Variants in PXYLP1 observed in about 807,000 individuals in gnomAD.
PXYLP1 encodes the protein 2-phosphoxylose phosphatase 1.
PXYLP1 carries 17 observed loss-of-function variants against 37.9 expected under a neutral mutation model. The observed-to-expected ratio is 0.45, with a 90% CI of 0.31 to 0.67. The LOEUF is 0.67. PXYLP1 is among the 30% of genes least tolerant of loss of function. The pLI is 0.07. For synonymous variants in PXYLP1, 221 were observed against 232.2 expected (o/e 0.95, Z 0.44); for missense variants, 511 against 612.0 (o/e 0.84, Z 1.74).
At chr3:141,285,144 C>CTTTTTTTTTTTTTTTTTTT (rs147495598) in intron 4 of PXYLP1, among the ~76,000 whole-genome samples, 3 of 78,764 alleles carry the variant, frequency 3.8e-5, no homozygotes, top group Non-Finnish European at 5.2e-5. Context: ...TTTTCTTTTT[C>CTTTTTTTTTTTTTTTTTTT]TTTTTTTTTT....
intron 2 of PXYLP1, among the ~76,000 whole-genome samples, chr3:141,268,075 C>A (rs2086181): frequency 6.6e-6 from 1 of 151,758 alleles, no homozygotes; most frequent in African/African-American, 2.4e-5. Context: ...ACCCCATTAC[C>A]TCATGATCAC....
intron 2 of PXYLP1, among the ~76,000 whole-genome samples, chr3:141,277,929 A>G (rs1370587254): frequency 2.6e-5 from 4 of 152,202 alleles, no homozygotes; most frequent in Non-Finnish European, 5.9e-5. Context: ...GATAAATGGG[A>G]TATGTCAGAC....
chr3:141,234,736 C>A (rs1006026434), intron 1 of PXYLP1: 5 of 152,290 alleles, frequency 3.3e-5, no homozygotes, highest in African/African-American at 1.2e-4. Flanking sequence ...CAGCCAAATG[C>A]TGAGGGGGTG....
At chr3:141,284,329 A>G (rs1942022967) in intron 4 of PXYLP1, among the ~76,000 whole-genome samples, 1 of 152,178 alleles carries the variant, frequency 6.6e-6, no homozygotes, top group South Asian at 2.1e-4. Context: ...GGAAGGAAGG[A>G]AGATAATGTG....
chr3:141,273,730 G>A (rs527343681), intron 2 of PXYLP1: 74 of 985,276 alleles, frequency 7.5e-5, no homozygotes, highest in Non-Finnish European at 8.8e-5. Flanking sequence ...GATGAGATGA[G>A]CAGAGAACAC....
chr3:141,239,874 A>G (rs1418535893), intron 1 of PXYLP1, among the ~76,000 whole-genome samples: 1 of 152,240 alleles, frequency 6.6e-6, no homozygotes, highest in Non-Finnish European at 1.5e-5. Context: ...AGCAGGGACC[A>G]TACCCAGCTC....
At chr3:141,281,068 A>AT (rs1339649216) in intron 4 of PXYLP1, among the ~76,000 whole-genome samples, 2 of 152,248 alleles carry the variant, frequency 1.3e-5, no homozygotes, top group African/African-American at 4.8e-5. Flanking sequence ...TATATGCCAT[A>AT]TTTAGTAAAT....
intron 2 of PXYLP1, among the ~76,000 whole-genome samples, chr3:141,276,360 G>A (rs1222987465): frequency 1.3e-5 from 2 of 152,138 alleles, no homozygotes; most frequent in African/African-American, 4.8e-5. Flanking sequence ...TTTTTTCTAT[G>A]CATTTACGTA....
intron 2 of PXYLP1, chr3:141,262,455 G>A: frequency 1.4e-6 from 1 of 718,870 alleles, no homozygotes. Flanking sequence ...AGGCTGACAG[G>A]TTCTGAGACA....
chr3:141,270,883 T>C (rs1941646217), intron 2 of PXYLP1, among the ~76,000 whole-genome samples: 1 of 151,896 alleles, frequency 6.6e-6, no homozygotes, highest in South Asian at 2.1e-4. Flanking sequence ...ATGTAGAAAA[T>C]AGCATTCATT....
At chr3:141,248,596 T>TGTATATGTATATACAC (rs1559881462) in intron 1 of PXYLP1, among the ~76,000 whole-genome samples, 1 of 37,260 alleles carries the variant, frequency 2.7e-5, no homozygotes, top group Non-Finnish European at 4.3e-5. Flanking sequence ...TACACACACG[T>TGTATATGTATATACAC]GTATATATAC....
intron 5 of PXYLP1, among the ~76,000 whole-genome samples, chr3:141,290,004 C>G (rs1253219021): frequency 6.6e-6 from 1 of 152,198 alleles, no homozygotes; most frequent in Non-Finnish European, 1.5e-5. Context: ...ACTGTCTGCT[C>G]CTGTTTCCTC....
At chr3:141,238,288 C>T (rs1940707225) in intron 1 of PXYLP1, among the ~76,000 whole-genome samples, 1 of 152,224 alleles carries the variant, frequency 6.6e-6, no homozygotes, top group South Asian at 2.1e-4. Flanking sequence ...CCTTCCTCCT[C>T]AGACCTCGCT....
Position 141,292,876 on chromosome 3 carries a change from T to C in PXYLP1, c.1114T>C (p.Phe372Leu). The part of the protein sequence containing the change: ...RATEGRKEEL[F>L]ALYSAHDVTL... ...CACCGAGGGCAGGAAAGAAGAGCTC[T>C]TTGCCCTCTACTCTGCTCATGATGT... The change falls in exon 6 of 6, where the codon TTT becomes CTT. Residue 372 changes from phenylalanine (F) to leucine (L), a missense_variant. Transcript: ENST00000286353. The surrounding 1 kb of genome is among the most constrained non-coding windows in gnomAD (Gnocchi z 4.3). 1.2e-6 allele frequency: 2 copies of C among 1,614,142 alleles called. No homozygotes were observed. Among genetic ancestry groups the C allele is most frequent in the Non-Finnish European group, 1.7e-6 (2 of 1,180,018 alleles).
In PXYLP1 at chr3:141,240,070, C is replaced by G. The variant is rs923989963; in HGVS notation, c.-54+8159C>G. ...TTTGTTTATCTTATGTAACAAAATG[C>G]GTGAAGATAGGTGATTGCTGGTGTT... On this transcript the variant is annotated intron_variant, in intron 1 of 5. Coordinates refer to ENST00000286353, the MANE Select transcript of PXYLP1 (RefSeq NM_001037172.3). Among the ~76,000 whole-genome samples the G allele has an allele frequency of 2.0e-5, 3 of 152,288 alleles. No homozygotes were observed. In the East Asian group the frequency reaches 5.8e-4, roughly 29 times the overall value.
chr3:141,260,803 GC>G (rs1047524247), intron 2 of PXYLP1, among the ~76,000 whole-genome samples: 4 of 152,212 alleles, frequency 2.6e-5, no homozygotes, highest in African/African-American at 9.7e-5. Flanking sequence ...CTCAGGCCAG[GC>G]CCCAAATCTG....
At chr3:141,288,000 CAG>C (rs1942116185) in intron 5 of PXYLP1, among the ~76,000 whole-genome samples, 1 of 152,234 alleles carries the variant, frequency 6.6e-6, no homozygotes, top group African/African-American at 2.4e-5. Context: ...TACAAGATCT[CAG>C]GGAGGAAAAT....
chr3:141,268,365 A>G (rs1323761461), intron 2 of PXYLP1, among the ~76,000 whole-genome samples: 2 of 152,226 alleles, frequency 1.3e-5, no homozygotes, highest in Non-Finnish European at 2.9e-5. Flanking sequence ...AGAGATGAAC[A>G]GAATAGAAAG....
chr3:141,231,908 G>A lies in PXYLP1; in HGVS notation c.-57G>A, dbSNP rs1234877402. The A allele has an allele frequency of 6.6e-6, 1 of 152,194 alleles. No homozygotes were observed. The highest frequency in any genetic ancestry group is 1.5e-5 in the Non-Finnish European group (1 of 68,242). The allele number at this position is 152,194 out of a possible 1,614,324, so 9.4% of individuals were successfully genotyped here. A position where few individuals can be genotyped will look rare whatever the true frequency, so the allele number is the denominator to read the frequency against. ...GAGCTGGGGCCGGCCTGGGACCATG[G>A]GCGGTGAGTGCGGCGCGGGCCTGGG... On this transcript the variant is annotated 5_prime_UTR_variant, in exon 1 of 6. Coordinates refer to ENST00000286353, the MANE Select transcript of PXYLP1 (RefSeq NM_001037172.3). This position sits in a 1 kb window ranked among gnomAD's most constrained non-coding sequence, Gnocchi z 4.4.
Sources: gnomAD v4.1 joint callset for allele counts (sites outside exome capture counted in the v4.1 genomes callset) on GRCh38, gnomAD v4.1.1 for gene constraint, Gnocchi (gnomAD v3.1) non-coding constraint, MANE v1.5 for transcripts, NCBI Gene and HGNC (gene_info 2026-07-23, HGNC 2026-07-21) for gene names.